Variants in CSMD3 observed in about 807,000 individuals in gnomAD.
CSMD3 encodes CUB and sushi domain-containing protein 3.
Under a neutral mutation model 435.2 loss-of-function variants are expected in CSMD3, and 177 were observed. That is an observed-to-expected ratio of 0.41 (90% confidence interval 0.36 to 0.46). The LOEUF (loss-of-function observed/expected upper bound fraction) is 0.46, where lower values mean the gene tolerates loss of function less well. Among genes scored for constraint, CSMD3 ranks in the 20% least tolerant of loss-of-function variants. The pLI, the probability that CSMD3 is intolerant of heterozygous loss-of-function variation, is 0.34. For missense variants in CSMD3, 4,265 were observed against 4,504.6 expected, an observed-to-expected ratio of 0.95 and a Z score of 1.52; for synonymous variants, 1,656 against 1,520.5, an observed-to-expected ratio of 1.09 and a Z score of -2.07.
At chr8:113,136,916 A>G (rs2091431798) in intron 4 of CSMD3, among the ~76,000 whole-genome samples, 1 of 151,720 alleles carries the variant, frequency 6.6e-6, no homozygotes, top group African/African-American at 2.4e-5. Flanking sequence ...CAGACAGCCT[A>G]TAAATGGAAG....
At chr8:112,938,910 T>G (rs1244312316) in intron 9 of CSMD3, among the ~76,000 whole-genome samples, 1 of 152,140 alleles carries the variant, frequency 6.6e-6, no homozygotes, top group Non-Finnish European at 1.5e-5. Flanking sequence ...TTCTGGTATG[T>G]GAGTTTACTC....
intron 5 of CSMD3, among the ~76,000 whole-genome samples, chr8:113,019,591 A>C (rs1307659277): frequency 2.0e-5 from 3 of 150,098 alleles, no homozygotes; most frequent in Non-Finnish European, 4.4e-5. Flanking sequence ...TATTGTTAAT[A>C]ATAAACATAA....
intron 1 of CSMD3, among the ~76,000 whole-genome samples, chr8:113,323,685 T>C (rs1465810430): frequency 6.6e-6 from 1 of 152,234 alleles, no homozygotes; most frequent in Non-Finnish European, 1.5e-5. Context: ...TATTCACATG[T>C]TCTTTCATAA....
intron 6 of CSMD3, among the ~76,000 whole-genome samples, chr8:112,981,393 T>C (rs944760218): frequency 4.6e-5 from 7 of 151,498 alleles, no homozygotes; most frequent in Non-Finnish European, 8.9e-5. Context: ...AAAAATATAA[T>C]TGAGTTTAAA....
At chr8:112,351,469 T>C (rs953968108) in intron 39 of CSMD3, among the ~76,000 whole-genome samples, 1 of 152,006 alleles carries the variant, frequency 6.6e-6, no homozygotes, top group African/African-American at 2.4e-5. Flanking sequence ...GAAAAAATAA[T>C]ACTTCATATC....
chr8:112,506,593 C>T (rs890940883), intron 29 of CSMD3, 98 bp downstream of exon 29: 5 of 1,162,890 alleles, frequency 4.3e-6, no homozygotes, highest in Admixed American at 1.8e-5. Flanking sequence ...ACAAAAAATG[C>T]TATATACAGA....
At chr8:113,125,491 T>C (rs1304807374) in intron 4 of CSMD3, among the ~76,000 whole-genome samples, 3 of 151,632 alleles carry the variant, frequency 2.0e-5, no homozygotes, top group East Asian at 1.9e-4. Flanking sequence ...AGTGTTGATA[T>C]AGAAGAACTC....
chr8:113,157,819 T>C (rs2091962092), intron 4 of CSMD3, among the ~76,000 whole-genome samples: 1 of 152,110 alleles, frequency 6.6e-6, no homozygotes, highest in Non-Finnish European at 1.5e-5. Flanking sequence ...GCTGTAAAAA[T>C]GGCTACCTCG....
chr8:112,338,313 C>G (rs996469084), intron 42 of CSMD3, among the ~76,000 whole-genome samples: 2 of 152,090 alleles, frequency 1.3e-5, no homozygotes, highest in African/African-American at 4.8e-5. Context: ...AGTATAATTG[C>G]CTATTTATTT....
intron 4 of CSMD3, among the ~76,000 whole-genome samples, chr8:113,154,738 A>G (rs2091898826): frequency 6.6e-6 from 1 of 152,050 alleles, no homozygotes. Flanking sequence ...GCTTTGGTAA[A>G]AGGATGAAAA....
intron 3 of CSMD3, among the ~76,000 whole-genome samples, chr8:113,228,462 G>A (rs981388682): frequency 9.9e-5 from 15 of 151,344 alleles, no homozygotes; most frequent in African/African-American, 3.2e-4. Context: ...ATTCACTGGA[G>A]CTGTACAAAA....
intron 60 of CSMD3, among the ~76,000 whole-genome samples, 193 bp from the exon 61 acceptor site, chr8:112,264,005 T>A (rs544646232): frequency 1.4e-4 from 22 of 152,296 alleles, no homozygotes; most frequent in African/African-American, 5.1e-4. Flanking sequence ...ATGCAACTTT[T>A]TCTTGGCAAC....
chr8:113,202,560 G>A (rs1403202076), intron 3 of CSMD3, among the ~76,000 whole-genome samples: 1 of 152,072 alleles, frequency 6.6e-6, no homozygotes, highest in African/African-American at 2.4e-5. Context: ...ATTGTTCAAA[G>A]GCTTTCTTTG....
chr8:112,754,041 A>C (rs1308802614), intron 13 of CSMD3, among the ~76,000 whole-genome samples: 1 of 152,244 alleles, frequency 6.6e-6, no homozygotes. Flanking sequence ...TGCAAGGTGC[A>C]CATGCAGAAA....
At position 113,278,697 on chromosome 8, in the gene CSMD3, C is replaced by G. The variant is rs2132459674; in HGVS notation, c.409G>C (p.Gly137Arg). The G allele has an allele frequency of 6.7e-7, 1 of 1,499,354 alleles. No individual in the cohort carries two copies. The highest frequency in any genetic ancestry group is 9.3e-7 in the Non-Finnish European group (1 of 1,076,156). The allele number at this position is 1,499,354 out of a possible 1,614,324, so 92.9% of individuals were successfully genotyped here. Residue 137 changes from glycine (G) to arginine (R), a missense_variant, in exon 3 of 71, where the codon GGA becomes CGA. Gly to Arg is a moderately radical substitution (Grantham distance 125, BLOSUM62 -2). This residue lies in a region of CSMD3 where 731 missense variants were observed against 755.4 expected (regional missense o/e 0.97). Transcript: ENST00000297405. Reference sequence around the variant, plus strand: ...GTCACTGGAGGTGGCAGATGGAATCCTGTTAACCTAAAACAAAATGGAATT... The same window carrying G: ...GTCACTGGAGGTGGCAGATGGAATCGTGTTAACCTAAAACAAAATGGAATT... The part of the protein sequence containing the change: ...HPTNFRTRLT[G>R]FHLPPPVTST...
At chr8:112,366,239 C>T (rs987724704) in intron 38 of CSMD3, among the ~76,000 whole-genome samples, 1 of 152,132 alleles carries the variant, frequency 6.6e-6, no homozygotes, top group African/African-American at 2.4e-5. Flanking sequence ...GAAAATACTG[C>T]TTATTATAAG....
At chr8:113,097,212 G>A (rs75647259) in intron 5 of CSMD3, among the ~76,000 whole-genome samples, 1 of 152,070 alleles carries the variant, frequency 6.6e-6, no homozygotes, top group Non-Finnish European at 1.5e-5. Context: ...GCCTTGGATG[G>A]AGAGTTGGAT....
At chr8:113,105,864 C>T (rs2090459483) in intron 4 of CSMD3, among the ~76,000 whole-genome samples, 1 of 127,276 alleles carries the variant, frequency 7.9e-6, no homozygotes, top group South Asian at 2.7e-4. Flanking sequence ...TTAAAATTCA[C>T]AATGTTCAAT....
intron 34 of CSMD3, among the ~76,000 whole-genome samples, chr8:112,407,962 T>A (rs1378392861): frequency 6.6e-6 from 1 of 152,016 alleles, no homozygotes; most frequent in East Asian, 1.9e-4. Context: ...ACCAAAATTT[T>A]TATATCTTTA....
Sources: allele counts gnomAD v4.1 joint callset (sites outside exome capture counted in the v4.1 genomes callset), GRCh38; gene constraint gnomAD v4.1.1; regional missense constraint gnomAD v4.1.1; transcripts MANE v1.5; gene names NCBI Gene and HGNC (gene_info 2026-07-23, HGNC 2026-07-21).